LRRC7: variants seen among roughly 807,000 people sequenced by gnomAD.
LRRC7 encodes leucine-rich repeat-containing protein 7.
LRRC7 carries 23 observed loss-of-function variants against 175.7 expected under a neutral mutation model. The observed-to-expected ratio is 0.13, with a 90% CI of 0.09 to 0.19. The LOEUF (loss-of-function observed/expected upper bound fraction) is 0.19. LRRC7 is among the 10% of genes least tolerant of loss of function. The probability of loss-of-function intolerance (pLI) is 1.00; values close to 1 mark genes in which losing one functional copy is unlikely to be tolerated. For synonymous variants in LRRC7, 685 were observed against 680.9 expected (o/e 1.01, Z -0.09); for missense variants, 1,354 against 1,904.7 (o/e 0.71, Z 5.38).
chr1:70,062,641 A>G (rs971641384), intron 23 of LRRC7, among the ~76,000 whole-genome samples: 1 of 152,096 alleles, frequency 6.6e-6, no homozygotes, highest in Non-Finnish European at 1.5e-5. Flanking sequence ...CAAAAATTCC[A>G]TGGAAATAAG....
At chr1:70,114,540 T>C (rs1031309220) in intron 26 of LRRC7, among the ~76,000 whole-genome samples, 15 of 152,004 alleles carry the variant, frequency 9.9e-5, no homozygotes, top group African/African-American at 3.4e-4. Flanking sequence ...AATTAAAAAT[T>C]AGCCAGGCGT....
intron 7 of LRRC7, among the ~76,000 whole-genome samples, chr1:69,856,381 A>C (rs1683627807): frequency 6.6e-6 from 1 of 152,216 alleles, no homozygotes; most frequent in African/African-American, 2.4e-5. Context: ...CTAATAAAGA[A>C]GAAAAGAGAG....
At chr1:69,803,369 G>T (rs1676746104) in intron 4 of LRRC7, among the ~76,000 whole-genome samples, 1 of 151,412 alleles carries the variant, frequency 6.6e-6, no homozygotes. Context: ...CATAGTAAAA[G>T]TTGTAATTCA....
chr1:69,676,394 T>C (rs1659779399), intron 1 of LRRC7, among the ~76,000 whole-genome samples: 1 of 152,108 alleles, frequency 6.6e-6, no homozygotes, highest in African/African-American at 2.4e-5. Context: ...GATAATCATA[T>C]AGATATTAAG....
intron 2 of LRRC7, among the ~76,000 whole-genome samples, chr1:69,752,020 A>G (rs1467790190): frequency 2.0e-5 from 3 of 152,108 alleles, no homozygotes. Flanking sequence ...ACTTTCCGAT[A>G]TTGTGATAAG....
At chr1:69,995,607 T>G (rs1447867099) in intron 11 of LRRC7, among the ~76,000 whole-genome samples, 1 of 140,366 alleles carries the variant, frequency 7.1e-6, no homozygotes. Context: ...CCCGTGTCCA[T>G]GTGTTCTCAT....
chr1:69,697,561 G>GCTCA (rs1386831513), intron 2 of LRRC7, among the ~76,000 whole-genome samples: 1 of 152,222 alleles, frequency 6.6e-6, no homozygotes, highest in Non-Finnish European at 1.5e-5. Flanking sequence ...AACTGCAGTA[G>GCTCA]CTCAGCCAGT....
intron 26 of LRRC7, among the ~76,000 whole-genome samples, chr1:70,118,202 C>A (rs914205261): frequency 6.6e-6 from 1 of 152,020 alleles, no homozygotes; most frequent in Non-Finnish European, 1.5e-5. Flanking sequence ...TTGTTTGATT[C>A]CCCGTCTGAA....
At chr1:69,838,481 A>G (rs1681364440) in intron 7 of LRRC7, among the ~76,000 whole-genome samples, 198 bp downstream of exon 7, 1 of 151,986 alleles carries the variant, frequency 6.6e-6, no homozygotes, top group African/African-American at 2.4e-5. Flanking sequence ...AACTGTAATT[A>G]CAGGTAAAGG....
At chr1:69,992,484 G>A (rs1654535099) in intron 10 of LRRC7, among the ~76,000 whole-genome samples, 1 of 152,092 alleles carries the variant, frequency 6.6e-6, no homozygotes, top group Non-Finnish European at 1.5e-5. Context: ...ATATGATATA[G>A]AAATGCGATA....
At chr1:69,852,408 G>C (rs914834632) in intron 7 of LRRC7, among the ~76,000 whole-genome samples, 1 of 152,146 alleles carries the variant, frequency 6.6e-6, no homozygotes, top group Non-Finnish European at 1.5e-5. Flanking sequence ...GGCAGGAACA[G>C]AAATGAATAG....
chr1:69,684,632 G>C (rs569394217), intron 2 of LRRC7, among the ~76,000 whole-genome samples: 1 of 152,280 alleles, frequency 6.6e-6, no homozygotes, highest in East Asian at 1.9e-4. Context: ...AACAGGACTT[G>C]AAGAAAGACA....
intron 7 of LRRC7, among the ~76,000 whole-genome samples, chr1:69,900,310 A>G (rs976138189): frequency 3.5e-4 from 54 of 152,312 alleles, no homozygotes; most frequent in African/African-American, 1.3e-3. Flanking sequence ...TAGAGGTTCC[A>G]TTTAGTTTTG....
intron 8 of LRRC7, among the ~76,000 whole-genome samples, chr1:69,959,786 G>C (rs1384679961): frequency 1.3e-5 from 2 of 151,992 alleles, no homozygotes; most frequent in African/African-American, 4.8e-5. Flanking sequence ...AACGGTCTTA[G>C]AAAACAACAT....
chr1:69,702,315 A>C (rs931165322), intron 2 of LRRC7, among the ~76,000 whole-genome samples: 2 of 152,322 alleles, frequency 1.3e-5, no homozygotes, highest in Admixed American at 6.5e-5. Context: ...ATCAGTTCTT[A>C]CTGCTCTCTT....
chr1:69,711,306 G>T (rs1664724659), intron 2 of LRRC7, among the ~76,000 whole-genome samples: 1 of 152,072 alleles, frequency 6.6e-6, no homozygotes, highest in Non-Finnish European at 1.5e-5. Context: ...ACATTTCTTT[G>T]ATATGCAGTG....
intron 2 of LRRC7, among the ~76,000 whole-genome samples, chr1:69,693,882 G>A (rs115330482): frequency 6.5e-4 from 99 of 152,166 alleles, no homozygotes; most frequent in African/African-American, 2.3e-3. Context: ...ACAGTACTTT[G>A]TATTTTAGTT....
At chr1:69,600,904 C>T (rs1438513116) in intron 1 of LRRC7, among the ~76,000 whole-genome samples, 2 of 149,526 alleles carry the variant, frequency 1.3e-5, no homozygotes, top group African/African-American at 2.5e-5. Flanking sequence ...CTCTGCCTCC[C>T]GGGTTCAAGC....
intron 3 of LRRC7, among the ~76,000 whole-genome samples, chr1:69,768,649 G>A (rs1360590714): frequency 6.6e-6 from 1 of 152,142 alleles, no homozygotes; most frequent in East Asian, 1.9e-4. Context: ...GTGGCCATAG[G>A]TAAGGAAGGA....
Sources: gnomAD v4.1 joint callset for allele counts (sites outside exome capture counted in the v4.1 genomes callset) on GRCh38, gnomAD v4.1.1 for gene constraint, MANE v1.5 for transcripts, NCBI Gene and HGNC (gene_info 2026-07-23, HGNC 2026-07-21) for gene names.